The following SLC24A3 variants were observed in gnomAD, a reference collection of about 807,000 sequenced individuals.
SLC24A3 encodes sodium/potassium/calcium exchanger 3.
Under a neutral mutation model 75.8 loss-of-function variants are expected in SLC24A3, and 28 were observed. The ratio of observed to expected loss-of-function variants is 0.37; its 90% confidence interval spans 0.27 to 0.51. SLC24A3 has a LOEUF of 0.51. Ranked by LOEUF, SLC24A3 falls within the 20% of genes least tolerant of loss-of-function variation. The probability of loss-of-function intolerance (pLI) is 0.94; values close to 1 mark genes in which losing one functional copy is unlikely to be tolerated. For missense variants in SLC24A3, 663 were observed against 847.8 expected, an observed-to-expected ratio of 0.78 and a Z score of 2.71; for synonymous variants, 372 against 334.1, an observed-to-expected ratio of 1.11 and a Z score of -1.24.
chr20:19,380,274 A>G (rs756628613), intron 2 of SLC24A3, among the ~76,000 whole-genome samples: 1 of 152,136 alleles, frequency 6.6e-6, no homozygotes, highest in African/African-American at 2.4e-5. Flanking sequence ...AGCAGGGCAC[A>G]TTAGAGGAAT....
rs148163609 is a variant in SLC24A3 at position 19,636,065 on chromosome 20, G to A, written c.613-17997G>A. Among the ~76,000 whole-genome samples the A allele has an allele frequency of 4.8e-3, 729 of 152,252 alleles. 6 individuals are homozygous for A. Among genetic ancestry groups the A allele is most frequent in the African/African-American group, 0.017 (693 of 41,546 alleles). Reference sequence around the variant, plus strand: ...TGAGGCAGGAGAATGGCATGAACCCGGGAGGCAGAGCTTGCAATGAGCCAA... The same window carrying A: ...TGAGGCAGGAGAATGGCATGAACCCAGGAGGCAGAGCTTGCAATGAGCCAA... On this transcript the variant is annotated intron_variant, in intron 6 of 16. Coordinates refer to ENST00000328041, the MANE Select transcript of SLC24A3 (RefSeq NM_020689.4).
rs376148578 is a variant in SLC24A3 at position 19,650,514 on chromosome 20, G to C, written c.613-3548G>C. 5.3e-5 allele frequency among the ~76,000 whole-genome samples: 8 copies of C among 152,102 alleles called. No individual in the cohort carries two copies. The South Asian group carries it at 1.0e-3, about 20-fold the overall frequency. On this transcript the variant is annotated intron_variant, in intron 6 of 16. Coordinates refer to ENST00000328041, the MANE Select transcript of SLC24A3 (RefSeq NM_020689.4). ...GCAACTGCTTTCCATTAGTTTGCCT[G>C]TTCCTGATATTTGCTCAACATCTCT...
At chr20:19,582,009 G>A (rs1485271169) in intron 4 of SLC24A3, among the ~76,000 whole-genome samples, 3 of 152,212 alleles carry the variant, frequency 2.0e-5, no homozygotes, top group Non-Finnish European at 4.4e-5. Context: ...CTGTCTCCTG[G>A]AAAGACAATG....
At chr20:19,639,958 G>A (rs1031054849) in intron 6 of SLC24A3, among the ~76,000 whole-genome samples, 3 of 152,242 alleles carry the variant, frequency 2.0e-5, no homozygotes, top group African/African-American at 4.8e-5. Flanking sequence ...ACGCCCACCC[G>A]GAACTCCAGC....
intron 2 of SLC24A3, among the ~76,000 whole-genome samples, chr20:19,402,227 C>T (rs1301568419): frequency 1.3e-5 from 2 of 152,150 alleles, no homozygotes; most frequent in African/African-American, 4.8e-5. Context: ...ATAATCAAAT[C>T]CTTGATGATC....
chr20:19,427,704 C>T (rs964278050), intron 2 of SLC24A3, among the ~76,000 whole-genome samples: 7 of 152,184 alleles, frequency 4.6e-5, no homozygotes, highest in African/African-American at 1.7e-4. Flanking sequence ...CTGTCCTGGG[C>T]TGACCCAGAG....
intron 3 of SLC24A3, among the ~76,000 whole-genome samples, chr20:19,551,843 C>T (rs967068348): frequency 6.6e-6 from 1 of 152,166 alleles, no homozygotes; most frequent in Non-Finnish European, 1.5e-5. Flanking sequence ...CCCGGAGGAC[C>T]AGGCAGGCTG....
intron 2 of SLC24A3, among the ~76,000 whole-genome samples, chr20:19,502,099 A>G (rs1469656973): frequency 5.9e-5 from 9 of 152,168 alleles, no homozygotes; most frequent in Admixed American, 3.9e-4. Flanking sequence ...GCAGAGAGCC[A>G]TAGCAGTTAG....
At chr20:19,576,212 A>G (rs1358905518) in intron 3 of SLC24A3, among the ~76,000 whole-genome samples, 3 of 152,188 alleles carry the variant, frequency 2.0e-5, no homozygotes, top group South Asian at 2.1e-4. Flanking sequence ...ATTATTGTCA[A>G]TGATATTAAT....
At chr20:19,595,092 T>C (rs1436574649) in intron 6 of SLC24A3, among the ~76,000 whole-genome samples, 1 of 152,142 alleles carries the variant, frequency 6.6e-6, no homozygotes, top group Non-Finnish European at 1.5e-5. Flanking sequence ...GCTGGTCTTC[T>C]AGGTTCACAA....
chr20:19,685,117 C>T lies in SLC24A3; in HGVS notation c.1080C>T (p.Asn360=), dbSNP rs1304136376. The T allele has an allele frequency of 6.2e-7, 1 of 1,608,988 alleles. No individual in the cohort carries two copies. Among genetic ancestry groups the T allele is most frequent in the Non-Finnish European group, 8.5e-7 (1 of 1,176,162 alleles). Residue 360 remains asparagine, a synonymous_variant, in exon 12 of 17, where the codon AAC becomes AAT. Coordinates refer to ENST00000328041, the MANE Select transcript of SLC24A3 (RefSeq NM_020689.4). ...CTTTCCAGAGACAAAGATTGATAAACAGCAGGGCTTATACCAACGGGGAAT... is the reference window on the plus strand; with the variant it reads ...CTTTCCAGAGACAAAGATTGATAAATAGCAGGGCTTATACCAACGGGGAAT... ...MLINERQRLI[N]SRAYTNGESE...
At chr20:19,256,549 A>G (rs1982820490) in intron 1 of SLC24A3, among the ~76,000 whole-genome samples, 1 of 152,096 alleles carries the variant, frequency 6.6e-6, no homozygotes. Context: ...TGGGCAGATC[A>G]CTTGAGGCCA....
At chr20:19,463,226 T>C (rs1004909349) in intron 2 of SLC24A3, among the ~76,000 whole-genome samples, 2 of 152,230 alleles carry the variant, frequency 1.3e-5, no homozygotes, top group Non-Finnish European at 2.9e-5. Context: ...TCCTGTTTTC[T>C]CTCTATCGTA....
chr20:19,696,782 T>G lies in SLC24A3; in HGVS notation c.1492-15T>G, dbSNP rs773015471. 1 of 1,601,438 alleles carries G rather than the reference T, an allele frequency of 6.2e-7. No homozygotes were observed. The highest frequency in any genetic ancestry group is 8.6e-7 in the Non-Finnish European group (1 of 1,168,604). ...AGGTGACCCTCAGCTGACCACCTCT[T>G]CCTGCTCCTTCTAGGTCACAATCAT... On this transcript the variant is annotated splice_polypyrimidine_tract_variant and intron_variant, in intron 13 of 16. Coordinates refer to ENST00000328041, the MANE Select transcript of SLC24A3 (RefSeq NM_020689.4).
chr20:19,473,880 T>C (rs773608464), intron 2 of SLC24A3, among the ~76,000 whole-genome samples: 1 of 152,242 alleles, frequency 6.6e-6, no homozygotes, highest in African/African-American at 2.4e-5. Flanking sequence ...TGTGGTTTGG[T>C]CTGCAGAGAC....
chr20:19,591,397 A>G (rs6035385), intron 6 of SLC24A3, among the ~76,000 whole-genome samples: 89,542 of 152,010 alleles, frequency 0.59, 27,872 homozygotes, highest in Non-Finnish European at 0.68. Flanking sequence ...AAAAATGCAA[A>G]GGAAAGTGGA....
At chr20:19,279,885 C>A (rs981498933) in intron 1 of SLC24A3, among the ~76,000 whole-genome samples, 17 of 152,198 alleles carry the variant, frequency 1.1e-4, no homozygotes, top group African/African-American at 3.9e-4. Flanking sequence ...TTGAAGAGGT[C>A]AGAACCAAGT....
intron 2 of SLC24A3, among the ~76,000 whole-genome samples, chr20:19,364,806 G>A (rs911114094): frequency 1.3e-5 from 2 of 152,146 alleles, no homozygotes; most frequent in African/African-American, 4.8e-5. Context: ...CCAGGGCTGG[G>A]TTGGGAAACC....
chr20:19,442,375 G>C (rs569499732), intron 2 of SLC24A3, among the ~76,000 whole-genome samples: 1 of 152,234 alleles, frequency 6.6e-6, no homozygotes, highest in East Asian at 1.9e-4. Flanking sequence ...AGCATTTGGT[G>C]GTGTCAGTCT....
Sources: gnomAD v4.1 joint callset for allele counts (sites outside exome capture counted in the v4.1 genomes callset) on GRCh38, gnomAD v4.1.1 for gene constraint, MANE v1.5 for transcripts, NCBI Gene and HGNC (gene_info 2026-07-23, HGNC 2026-07-21) for gene names.